ZNF385B: variants seen among roughly 807,000 people sequenced by gnomAD.
The protein encoded by ZNF385B is zinc finger protein 533.
Under a neutral mutation model 39.2 loss-of-function variants are expected in ZNF385B, and 23 were observed. The observed-to-expected ratio is 0.59, with a 90% CI of 0.42 to 0.83. The LOEUF is 0.83. Ranked by LOEUF, ZNF385B falls within the 40% of genes least tolerant of loss-of-function variation. The pLI is 0.00. For missense variants in ZNF385B, 552 were observed against 598.9 expected, an observed-to-expected ratio of 0.92 and a Z score of 0.82; for synonymous variants, 205 against 222.6, an observed-to-expected ratio of 0.92 and a Z score of 0.70.
chr2:179,605,724 TAC>T (rs1688749480), intron 3 of ZNF385B, among the ~76,000 whole-genome samples: 1 of 152,184 alleles, frequency 6.6e-6, no homozygotes, highest in South Asian at 2.1e-4. Flanking sequence ...GCATAATAAT[TAC>T]AGAGAGGTCA....
intron 1 of ZNF385B, among the ~76,000 whole-genome samples, chr2:179,833,368 G>A (rs1708083789): frequency 6.6e-6 from 1 of 152,006 alleles, no homozygotes; most frequent in Admixed American, 6.6e-5. Flanking sequence ...TATAGATGAT[G>A]TATACCTAAA....
At chr2:179,448,632 G>A (rs1042434260) in intron 6 of ZNF385B, among the ~76,000 whole-genome samples, 1 of 152,042 alleles carries the variant, frequency 6.6e-6, no homozygotes, top group Admixed American at 6.6e-5. Context: ...TTGTGAAATA[G>A]GTAAGGCTCA....
intron 1 of ZNF385B, among the ~76,000 whole-genome samples, chr2:179,841,072 C>A (rs1476613918): frequency 2.0e-5 from 3 of 152,206 alleles, no homozygotes; most frequent in Non-Finnish European, 4.4e-5. Flanking sequence ...CTCTGCATTT[C>A]TGCAAAACTT....
At chr2:179,739,550 T>C (rs563157435) in intron 3 of ZNF385B, among the ~76,000 whole-genome samples, 2 of 152,216 alleles carry the variant, frequency 1.3e-5, no homozygotes, top group Non-Finnish European at 2.9e-5. Context: ...AAGTCACTTT[T>C]GTAGTTTATT....
At chr2:179,532,658 C>T (rs570756130) in intron 4 of ZNF385B, among the ~76,000 whole-genome samples, 130 of 152,308 alleles carry the variant, frequency 8.5e-4, no homozygotes, top group African/African-American at 3.0e-3. Context: ...TTTTTATTCA[C>T]CTTTCTGCCT....
chr2:179,462,987 T>A (rs1235186778), intron 6 of ZNF385B, among the ~76,000 whole-genome samples: 1 of 152,160 alleles, frequency 6.6e-6, no homozygotes, highest in East Asian at 1.9e-4. Context: ...TATATTCATA[T>A]GGATTAGATT....
At position 179,638,694 on chromosome 2, in the gene ZNF385B, C is replaced by T. The variant is rs150888417; in HGVS notation, c.299-93725G>A. On this transcript the variant is annotated intron_variant, in intron 3 of 9. Transcript: ENST00000410066. ...GCCACTCCAGGAGCAATACGCAAAC[C>T]GACTATCTAGATTTGGGTTTCTGAA... is the stretch of plus-strand genomic sequence containing the variant. Among the ~76,000 whole-genome samples the T allele has an allele frequency of 8.5e-3, 1,291 of 152,110 alleles. 17 individuals are homozygous for T. The highest frequency in any genetic ancestry group is 0.03 in the African/African-American group (1,238 of 41,494).
intron 3 of ZNF385B, among the ~76,000 whole-genome samples, chr2:179,592,582 C>CACTG (rs1289551928): frequency 6.6e-6 from 1 of 152,106 alleles, no homozygotes; most frequent in Admixed American, 6.5e-5. Flanking sequence ...TTGGGAAGAA[C>CACTG]ACTGAAGAAA....
chr2:179,647,612 G>T (rs1482331211), intron 3 of ZNF385B, among the ~76,000 whole-genome samples: 1 of 152,164 alleles, frequency 6.6e-6, no homozygotes, highest in Non-Finnish European at 1.5e-5. Flanking sequence ...TATGTGGCTA[G>T]GAGTTCCCAG....
chr2:179,543,927 T>C (rs2060074023), intron 4 of ZNF385B, among the ~76,000 whole-genome samples: 1 of 152,222 alleles, frequency 6.6e-6, no homozygotes, highest in South Asian at 2.1e-4. Flanking sequence ...GTACTTCAGA[T>C]GCTTGCTGTC....
At chr2:179,577,866 G>T (rs1337647833) in intron 3 of ZNF385B, among the ~76,000 whole-genome samples, 1 of 151,776 alleles carries the variant, frequency 6.6e-6, no homozygotes, top group South Asian at 2.1e-4. Flanking sequence ...ATTTTTCATA[G>T]GCTGATATAT....
intron 3 of ZNF385B, among the ~76,000 whole-genome samples, chr2:179,609,869 C>T (rs927897169): frequency 2.0e-5 from 3 of 152,128 alleles, no homozygotes; most frequent in African/African-American, 7.2e-5. Flanking sequence ...TGTATGTCTT[C>T]CTTTGAGAAA....
chr2:179,630,195 T>C (rs902600864), intron 3 of ZNF385B, among the ~76,000 whole-genome samples: 1 of 152,258 alleles, frequency 6.6e-6, no homozygotes, highest in Non-Finnish European at 1.5e-5. Flanking sequence ...GCTCTGAGAA[T>C]GGACAGAATG....
intron 6 of ZNF385B, among the ~76,000 whole-genome samples, chr2:179,454,257 G>A (rs2050450716): frequency 6.6e-6 from 1 of 152,150 alleles, no homozygotes; most frequent in African/African-American, 2.4e-5. Flanking sequence ...GATTATAAAG[G>A]AGCTGAAAAA....
intron 3 of ZNF385B, chr2:179,576,133 A>G (rs1685786043): frequency 7.1e-6 from 7 of 985,208 alleles, no homozygotes; most frequent in Non-Finnish European, 8.4e-6. Flanking sequence ...ACCCTCCAAA[A>G]CGTCTCAAAT....
intron 1 of ZNF385B, among the ~76,000 whole-genome samples, chr2:179,774,292 T>C (rs985289346): frequency 6.6e-6 from 1 of 151,774 alleles, no homozygotes; most frequent in Non-Finnish European, 1.5e-5. Flanking sequence ...GTAATATGTG[T>C]GTGGTATGGG....
chr2:179,838,239 T>C (rs1024620529), intron 1 of ZNF385B, among the ~76,000 whole-genome samples: 2 of 152,218 alleles, frequency 1.3e-5, no homozygotes, highest in South Asian at 2.1e-4. Flanking sequence ...CAAATAACTA[T>C]GGGAGACTAA....
intron 3 of ZNF385B, among the ~76,000 whole-genome samples, chr2:179,768,308 A>C (rs1703822758): frequency 6.6e-6 from 1 of 152,174 alleles, no homozygotes; most frequent in South Asian, 2.1e-4. Flanking sequence ...CCTTGGAATA[A>C]TTATAATAAA....
At chr2:179,794,816 G>C (rs1402951512) in intron 1 of ZNF385B, among the ~76,000 whole-genome samples, 1 of 152,092 alleles carries the variant, frequency 6.6e-6, no homozygotes, top group Non-Finnish European at 1.5e-5. Context: ...ACACCGCTGA[G>C]CAGGATCTGA....
Sources: gnomAD v4.1 joint callset for allele counts (sites outside exome capture counted in the v4.1 genomes callset) on GRCh38, gnomAD v4.1.1 for gene constraint, MANE v1.5 for transcripts, NCBI Gene and HGNC (gene_info 2026-07-23, HGNC 2026-07-21) for gene names.